ATP10B: variants seen among roughly 807,000 people sequenced by gnomAD.
ATP10B encodes phospholipid-transporting ATPase VB.
ATP10B carries 122 observed loss-of-function variants against 141.2 expected under a neutral mutation model. That is an observed-to-expected ratio of 0.86 (90% CI 0.75 to 1.00). ATP10B has a LOEUF of 1.00. Ranked by LOEUF, ATP10B falls within the 50% of genes least tolerant of loss-of-function variation. The pLI is 0.00. For synonymous variants in ATP10B, 685 were observed against 692.0 expected (o/e 0.99, Z 0.16); for missense variants, 1,876 against 1,825.3 (o/e 1.03, Z -0.51).
intron 2 of ATP10B, among the ~76,000 whole-genome samples, chr5:160,776,451 C>G (rs1459891880): frequency 6.6e-6 from 1 of 152,182 alleles, no homozygotes; most frequent in Admixed American, 6.5e-5. Context: ...GTCCCAGGGG[C>G]TACATTGTCT....
At chr5:160,588,360 G>T (rs1215734201) in intron 24 of ATP10B, among the ~76,000 whole-genome samples, 2 of 152,142 alleles carry the variant, frequency 1.3e-5, no homozygotes, top group Non-Finnish European at 2.9e-5. Flanking sequence ...CCACTGCCCA[G>T]CTGGTTATGG....
At chr5:160,818,919 T>C (rs1001216936) in intron 1 of ATP10B, among the ~76,000 whole-genome samples, 2 of 152,130 alleles carry the variant, frequency 1.3e-5, no homozygotes, top group African/African-American at 2.4e-5. Context: ...AAATACCACA[T>C]GTTCTCACTC....
At chr5:160,586,303 T>C (rs1039587018) in intron 24 of ATP10B, among the ~76,000 whole-genome samples, 2 of 152,228 alleles carry the variant, frequency 1.3e-5, no homozygotes, top group African/African-American at 4.8e-5. Context: ...GCAAAAGACA[T>C]GACCTCATTC....
At chr5:160,850,183 A>G (rs1035798918) in intron 1 of ATP10B, among the ~76,000 whole-genome samples, 1 of 152,064 alleles carries the variant, frequency 6.6e-6, no homozygotes, top group Non-Finnish European at 1.5e-5. Context: ...CTGTGGGCGG[A>G]TCACCTGAGG....
intron 6 of ATP10B, among the ~76,000 whole-genome samples, chr5:160,682,970 T>C (rs984604123): frequency 6.6e-5 from 8 of 120,862 alleles, no homozygotes; most frequent in Middle Eastern, 6.3e-3. Context: ...ACCCGGGAGG[T>C]GGAGCTTGCA....
chr5:160,718,914 G>C (rs1219322819), intron 2 of ATP10B, among the ~76,000 whole-genome samples: 1 of 152,148 alleles, frequency 6.6e-6, no homozygotes, highest in African/African-American at 2.4e-5. Context: ...ACTACGTCTG[G>C]TTCAAGATCC....
the ATP10B span, among the ~76,000 whole-genome samples, chr5:160,878,813 A>G: frequency 6.6e-6 from 1 of 151,408 alleles, no homozygotes; most frequent in Admixed American, 6.6e-5. Context: ...CATCAGAGAA[A>G]TGCAAATCAA....
chr5:160,823,937 A>G (rs868373125), intron 1 of ATP10B, among the ~76,000 whole-genome samples: 2 of 152,320 alleles, frequency 1.3e-5, no homozygotes, highest in East Asian at 1.9e-4. Flanking sequence ...CAAAACCCCA[A>G]TAAGTGTTTA....
chr5:160,633,518 A>C (rs931080176), intron 12 of ATP10B: 1 of 152,192 alleles, frequency 6.6e-6, no homozygotes, highest in African/African-American at 2.4e-5. Context: ...ACACATGGAC[A>C]TGGAGGGGAA....
At chr5:160,874,992 T>C in the ATP10B span, among the ~76,000 whole-genome samples, 2 of 114,070 alleles carry the variant, frequency 1.8e-5, no homozygotes, top group African/African-American at 6.2e-5. Flanking sequence ...TTCCCCAATC[T>C]AGCAAGGCAG....
intron 1 of ATP10B, among the ~76,000 whole-genome samples, chr5:160,793,746 G>A (rs1420685544): frequency 2.0e-5 from 3 of 152,182 alleles, no homozygotes; most frequent in African/African-American, 4.8e-5. Flanking sequence ...CTCACCTGGA[G>A]CAATTTCTAG....
At chr5:160,613,035 C>T in intron 17 of ATP10B, 110 bp from the exon 18 acceptor site, 1 of 1,076,372 alleles carries the variant, frequency 9.3e-7, no homozygotes. Flanking sequence ...CATCACTGTG[C>T]TAGGCTGTGT....
intron 1 of ATP10B, among the ~76,000 whole-genome samples, chr5:160,834,944 A>G (rs1775325401): frequency 1.3e-5 from 2 of 152,134 alleles, no homozygotes; most frequent in Non-Finnish European, 2.9e-5. Flanking sequence ...AACATTTGCC[A>G]TCTATACCAC....
At chr5:160,818,503 G>A (rs1379584060) in intron 1 of ATP10B, among the ~76,000 whole-genome samples, 5 of 152,154 alleles carry the variant, frequency 3.3e-5, no homozygotes, top group East Asian at 1.9e-4. Context: ...GAAACAACAG[G>A]TGCTGGAAAG....
In ATP10B at chr5:160,615,823, CT is replaced by C; in HGVS notation, c.2653+14del. On this transcript the variant is annotated intron_variant, in intron 17 of 25. Coordinates refer to ENST00000327245, the MANE Select transcript of ATP10B (RefSeq NM_025153.3). ...CATTCCTTTTTTCCTATAATAATGACTTATTTTTAGCTACCAAGTAAGGTGA... is the reference window on the plus strand; with the variant it reads ...CATTCCTTTTTTCCTATAATAATGACTATTTTTAGCTACCAAGTAAGGTGA... 1 of 1,607,680 alleles carries C rather than the reference CT, an allele frequency of 6.2e-7. No homozygotes were observed. The highest frequency in any genetic ancestry group is 1.1e-5 in the South Asian group (1 of 90,744).
intron 1 of ATP10B, among the ~76,000 whole-genome samples, chr5:160,823,790 C>T (rs1027019276): frequency 6.6e-6 from 1 of 151,944 alleles, no homozygotes; most frequent in South Asian, 2.1e-4. Flanking sequence ...GCTGAGATCG[C>T]GGCGCTGCAC....
At chr5:160,675,679 C>G (rs1178305687) in intron 6 of ATP10B, among the ~76,000 whole-genome samples, 1 of 152,190 alleles carries the variant, frequency 6.6e-6, no homozygotes, top group Non-Finnish European at 1.5e-5. Flanking sequence ...TGCCATGTCA[C>G]TAACCCAGGG....
At chr5:160,596,744 C>T (rs1325749949) in intron 22 of ATP10B, among the ~76,000 whole-genome samples, 1 of 151,984 alleles carries the variant, frequency 6.6e-6, no homozygotes, top group Non-Finnish European at 1.5e-5. Context: ...TCCTATACAC[C>T]AATAACAGAC....
At chr5:160,650,645 G>A (rs1010349461) in intron 7 of ATP10B, among the ~76,000 whole-genome samples, 9 of 152,316 alleles carry the variant, frequency 5.9e-5, no homozygotes, top group Admixed American at 5.2e-4. Context: ...TAAACTTACT[G>A]AGGCTCCAGA....
Sources: allele counts gnomAD v4.1 joint callset (sites outside exome capture counted in the v4.1 genomes callset), GRCh38; gene constraint gnomAD v4.1.1; transcripts MANE v1.5; gene names NCBI Gene and HGNC (gene_info 2026-07-23, HGNC 2026-07-21).